ANKS1B: variants seen among roughly 807,000 people sequenced by gnomAD.
ANKS1B encodes the protein ankyrin repeat and sterile alpha motif domain containing 1B, also known as ankyrin repeat and sterile alpha motif domain-containing protein 1B.
A neutral mutation model predicts 148.3 loss-of-function variants in ANKS1B; 36 were observed. That is an observed-to-expected ratio of 0.24 (90% CI 0.19 to 0.32). The LOEUF is 0.32. Ranked by LOEUF, ANKS1B falls within the 10% of genes least tolerant of loss-of-function variation. The pLI is 1.00. For synonymous variants in ANKS1B, 542 were observed against 560.8 expected, an observed-to-expected ratio of 0.97 and a Z score of 0.47; for missense variants, 1,157 against 1,542.6, an observed-to-expected ratio of 0.75 and a Z score of 4.19.
chr12:99,664,889 C>T (rs1404181053), intron 8 of ANKS1B, among the ~76,000 whole-genome samples: 1 of 152,200 alleles, frequency 6.6e-6, no homozygotes, highest in Admixed American at 6.5e-5. Flanking sequence ...ATTTGTTCCA[C>T]GTTAGTAAAA....
At chr12:99,726,152 AG>A (rs2058598017) in intron 8 of ANKS1B, among the ~76,000 whole-genome samples, 1 of 152,214 alleles carries the variant, frequency 6.6e-6, no homozygotes, top group Non-Finnish European at 1.5e-5. Flanking sequence ...GCAGAACTGA[AG>A]GGGATAGAGA....
chr12:99,025,877 T>C (rs936116052), intron 17 of ANKS1B, among the ~76,000 whole-genome samples: 1 of 152,224 alleles, frequency 6.6e-6, no homozygotes, highest in African/African-American at 2.4e-5. Flanking sequence ...GGTGGGTTAA[T>C]AGATTAGTGA....
At chr12:98,968,824 A>G (rs555922821) in intron 17 of ANKS1B, among the ~76,000 whole-genome samples, 1 of 152,324 alleles carries the variant, frequency 6.6e-6, no homozygotes, top group East Asian at 1.9e-4. Context: ...CCAGGAAAAA[A>G]TAAACTAAGA....
intron 8 of ANKS1B, among the ~76,000 whole-genome samples, chr12:99,665,755 C>T (rs140416239): frequency 1.3e-5 from 2 of 152,144 alleles, no homozygotes; most frequent in African/African-American, 4.8e-5. Flanking sequence ...CAAAGTGCTG[C>T]GATTACAACC....
At position 99,928,302 on chromosome 12, in the gene ANKS1B, C is replaced by G. The variant is rs182559989; in HGVS notation, c.134+55802G>C. On this transcript the variant is annotated intron_variant, in intron 1 of 26. Coordinates refer to ENST00000683438, the MANE Select transcript of ANKS1B (RefSeq NM_001352186.2). ...TTTTTTTTTTTTTGAGACGGAGTCT[C>G]GCTCTGTCGCCCAGGCCGGACTGCG... Among the ~76,000 whole-genome samples, 565 of 146,334 alleles carry G rather than the reference C, an allele frequency of 3.9e-3. 16 individuals are homozygous for G. Among genetic ancestry groups the G allele is most frequent in the Non-Finnish European group, 1.1e-3 (75 of 66,806 alleles).
At chr12:99,595,599 C>T (rs2097751462) in intron 9 of ANKS1B, among the ~76,000 whole-genome samples, 1 of 151,778 alleles carries the variant, frequency 6.6e-6, no homozygotes, top group South Asian at 2.1e-4. Flanking sequence ...CAAATTAACA[C>T]CATCATAGTC....
intron 1 of ANKS1B, among the ~76,000 whole-genome samples, chr12:99,978,364 T>A (rs548549550): frequency 1.1e-4 from 16 of 152,278 alleles, no homozygotes; most frequent in African/African-American, 3.1e-4. Context: ...AAAACCCTGC[T>A]CAGTGGAGAA....
chr12:99,514,188 C>A (rs995369787), intron 9 of ANKS1B, among the ~76,000 whole-genome samples: 1 of 151,936 alleles, frequency 6.6e-6, no homozygotes, highest in Non-Finnish European at 1.5e-5. Context: ...TAGCAAAATT[C>A]CATGTTCATA....
At chr12:99,144,215 G>C (rs186190841) in intron 15 of ANKS1B, among the ~76,000 whole-genome samples, 35 of 152,078 alleles carry the variant, frequency 2.3e-4, no homozygotes, top group African/African-American at 7.7e-4. Flanking sequence ...TCAAGTGTAA[G>C]GATGGAACCC....
chr12:98,854,389 G>C (rs541542350), intron 17 of ANKS1B, among the ~76,000 whole-genome samples: 154 of 152,162 alleles, frequency 1.0e-3, no homozygotes, highest in Non-Finnish European at 1.7e-3. Context: ...ATAAATCCTT[G>C]AGATTTAAAA....
chr12:98,763,890 A>G (rs1420215926), intron 25 of ANKS1B, among the ~76,000 whole-genome samples: 1 of 152,200 alleles, frequency 6.6e-6, no homozygotes. Flanking sequence ...TTTATGCCTC[A>G]CCCCAAGTAT....
At chr12:99,485,373 A>C (rs76153056) in intron 10 of ANKS1B, among the ~76,000 whole-genome samples, 5,756 of 152,184 alleles carry the variant, frequency 0.038, 153 homozygotes, top group South Asian at 0.084. Flanking sequence ...TTCTGCTGTT[A>C]GTCTGATAGG....
chr12:98,926,304 T>G (rs1241855165), intron 17 of ANKS1B, among the ~76,000 whole-genome samples: 5 of 152,304 alleles, frequency 3.3e-5, no homozygotes, highest in Middle Eastern at 3.4e-3. Flanking sequence ...AGCACAGACT[T>G]CTGTGGATGC....
At chr12:99,878,233 T>C (rs2092255620) in intron 1 of ANKS1B, among the ~76,000 whole-genome samples, 1 of 152,056 alleles carries the variant, frequency 6.6e-6, no homozygotes. Flanking sequence ...AGGTTTCAAA[T>C]GAGAAAAAGT....
At chr12:98,905,029 A>C (rs2099777018) in intron 17 of ANKS1B, among the ~76,000 whole-genome samples, 1 of 152,194 alleles carries the variant, frequency 6.6e-6, no homozygotes, top group Admixed American at 6.5e-5. Context: ...ATAAGACGCA[A>C]GTTATAAGGT....
intron 3 of ANKS1B, among the ~76,000 whole-genome samples, chr12:99,811,634 A>C (rs953684606): frequency 1.3e-5 from 2 of 151,848 alleles, no homozygotes; most frequent in African/African-American, 4.8e-5. Context: ...TATTCTGGGC[A>C]TATGTGTTTG....
At chr12:99,736,443 T>C (rs1345287915) in intron 8 of ANKS1B, among the ~76,000 whole-genome samples, 2 of 151,670 alleles carry the variant, frequency 1.3e-5, no homozygotes, top group African/African-American at 4.8e-5. Context: ...CCAGTATTTT[T>C]ATACACCAAA....
chr12:98,815,489 C>A (rs2099132006), intron 19 of ANKS1B, among the ~76,000 whole-genome samples: 1 of 152,154 alleles, frequency 6.6e-6, no homozygotes, highest in South Asian at 2.1e-4. Context: ...AGTTGTGACT[C>A]CCAAATTCAT....
intron 17 of ANKS1B, among the ~76,000 whole-genome samples, chr12:98,896,272 G>T (rs2099764470): frequency 1.3e-5 from 2 of 152,208 alleles, no homozygotes; most frequent in South Asian, 4.1e-4. Flanking sequence ...AGCAAATGAA[G>T]ATTTTGACCA....
Sources: allele counts gnomAD v4.1 joint callset (sites outside exome capture counted in the v4.1 genomes callset), GRCh38; gene constraint gnomAD v4.1.1; transcripts MANE v1.5; gene names NCBI Gene and HGNC (gene_info 2026-07-23, HGNC 2026-07-21).